The following ARHGEF6 variants were observed in gnomAD, a reference collection of about 807,000 sequenced individuals.
ARHGEF6 encodes Rac/Cdc42 guanine nucleotide exchange factor 6.
A neutral mutation model predicts 70.3 loss-of-function variants in ARHGEF6; 9 were observed. That is an observed-to-expected ratio of 0.13 (90% confidence interval 0.08 to 0.22). ARHGEF6 has a LOEUF of 0.22. Among genes scored for constraint, ARHGEF6 ranks in the 10% least tolerant of loss-of-function variants. The probability of loss-of-function intolerance (pLI) is 1.00; values close to 1 mark genes in which losing one functional copy is unlikely to be tolerated. For synonymous variants in ARHGEF6, 201 were observed against 207.8 expected, an observed-to-expected ratio of 0.97 and a Z score of 0.28; for missense variants, 470 against 563.0, an observed-to-expected ratio of 0.83 and a Z score of 1.67.
At chrX:136,755,014 G>A (rs1420680534) in intron 2 of ARHGEF6, among the ~76,000 whole-genome samples, 2 of 111,758 alleles carry the variant, frequency 1.8e-5, no homozygotes, top group East Asian at 2.8e-4. Flanking sequence ...CATTTTCCCA[G>A]AAACAGCATC....
intron 6 of ARHGEF6, 103 bp from the exon 7 acceptor site, chrX:136,713,473 T>C: frequency 1.7e-6 from 1 of 578,441 alleles, no homozygotes; most frequent in East Asian, 3.4e-5. Flanking sequence ...AAGGTCCTAT[T>C]TACTCAGGCT....
chrX:136,685,604 CAAA>C (rs377510796), intron 12 of ARHGEF6, 70 bp downstream of exon 12: 8,258 of 893,578 alleles, frequency 9.2e-3, no homozygotes, highest in Admixed American at 0.012. Context: ...AAGACTCCGT[CAAA>C]AAAAAAAAAA....
At chrX:136,668,205 AG>A (rs746266974) in intron 21 of ARHGEF6, 36 bp from the exon 22 acceptor site, 3 of 1,205,496 alleles carry the variant, frequency 2.5e-6, no homozygotes, top group Admixed American at 2.2e-5. Context: ...TATCAAACAG[AG>A]GGGGGCCCTT....
Position 136,750,622 on chromosome X carries a change from C to T in ARHGEF6, c.250-3030G>A, listed in dbSNP as rs947860074. ...GAAAAAAGTATTACTTCTTAGACTA[C>T]GGCTAGATGGTGTCAAGGTATCATT... On this transcript the variant is annotated intron_variant, in intron 2 of 21. Transcript: ENST00000250617. Among the ~76,000 whole-genome samples the T allele has an allele frequency of 1.3e-4, 14 of 111,783 alleles. 1 individual carries two copies. The highest frequency in any genetic ancestry group is 1.1e-3 in the South Asian group (3 of 2,711).
intron 21 of ARHGEF6, among the ~76,000 whole-genome samples, chrX:136,668,821 C>T (rs1203042221): frequency 9.0e-6 from 1 of 110,862 alleles, no homozygotes; most frequent in Non-Finnish European, 1.9e-5. Context: ...CCACCATATG[C>T]AACCAGACAC....
chrX:136,708,076 A>T (rs1406707447), intron 8 of ARHGEF6, among the ~76,000 whole-genome samples: 1 of 112,115 alleles, frequency 8.9e-6, no homozygotes, highest in African/African-American at 3.2e-5. Flanking sequence ...AAACTGAATG[A>T]ATCATTTGAA....
chrX:136,762,512 A>G (rs771483142), intron 2 of ARHGEF6, among the ~76,000 whole-genome samples: 1 of 110,539 alleles, frequency 9.0e-6, no homozygotes, highest in Non-Finnish European at 1.9e-5. Context: ...TCTTTTTTTA[A>G]CCAGAGTCTC....
At chrX:136,758,893 C>A (rs1255621237) in intron 2 of ARHGEF6, among the ~76,000 whole-genome samples, 2 of 111,749 alleles carry the variant, frequency 1.8e-5, no homozygotes, top group Admixed American at 9.5e-5. Context: ...CTATGCCAGG[C>A]AGTAATACAT....
chrX:136,706,068 T>C lies in ARHGEF6; in HGVS notation c.1046+840A>G, dbSNP rs2076623414. 3.6e-5 allele frequency among the ~76,000 whole-genome samples: 4 copies of C among 112,154 alleles called. No individual in the cohort carries two copies. In the South Asian group the frequency reaches 1.5e-3, roughly 42 times the overall value. On this transcript the variant is annotated intron_variant, in intron 9 of 21. Transcript: ENST00000250617. ...TGGACTTGCTTTTGTCCCACCTGGA[T>C]TTCCAGCATATGACTTCAAAGGTAA...
At chrX:136,724,457 A>T (rs1207162124) in intron 6 of ARHGEF6, among the ~76,000 whole-genome samples, 1 of 110,352 alleles carries the variant, frequency 9.1e-6, no homozygotes, top group Non-Finnish European at 1.9e-5. Flanking sequence ...CATTTTTTAA[A>T]TTTTTTTAAT....
intron 5 of ARHGEF6, among the ~76,000 whole-genome samples, chrX:136,735,012 A>G (rs768964739): frequency 1.2e-4 from 14 of 112,192 alleles, no homozygotes; most frequent in Non-Finnish European, 2.1e-4. Flanking sequence ...TCTACAAAAA[A>G]CCTACAGTTA....
At chrX:136,747,401 A>C (rs1839283516) in intron 3 of ARHGEF6, 107 bp downstream of exon 3, 1 of 727,135 alleles carries the variant, frequency 1.4e-6, no homozygotes, top group South Asian at 2.2e-5. Flanking sequence ...CAAGGGGAAA[A>C]TTTGCATCAC....
At chrX:136,767,621 C>T (rs1207689680) in intron 2 of ARHGEF6, 1 of 752,812 alleles carries the variant, frequency 1.3e-6, no homozygotes. Flanking sequence ...GGCGAGGGTG[C>T]GCGGGGTGGC....
intron 5 of ARHGEF6, among the ~76,000 whole-genome samples, chrX:136,735,523 A>G (rs775621873): frequency 7.1e-4 from 79 of 111,267 alleles, no homozygotes; most frequent in African/African-American, 2.5e-3. Flanking sequence ...AAATGTAAAC[A>G]TTTTAGGTGG....
intron 2 of ARHGEF6, among the ~76,000 whole-genome samples, chrX:136,764,168 C>CAA (rs368582688): frequency 3.1e-5 from 3 of 97,735 alleles, no homozygotes; most frequent in Admixed American, 1.1e-4. Flanking sequence ...GCAGAGCTTT[C>CAA]AAAAAAAAAA....
At position 136,687,448 on chromosome X, in the gene ARHGEF6, T is replaced by C. The variant is rs141122592; in HGVS notation, c.1245+484A>G. 9.3e-3 allele frequency among the ~76,000 whole-genome samples: 1,042 copies of C among 112,556 alleles called. 51 individuals carry two copies. In the East Asian group the frequency reaches 0.19, roughly 20 times the overall value. ...GATACAAGATCACGTGTACCTTTGA[T>C]AGCAACCTATATAAAGCACTTGCAT... On this transcript the variant is annotated intron_variant, in intron 11 of 21. Transcript: ENST00000250617.
chrX:136,693,775 A>G (rs2148598013), intron 9 of ARHGEF6, among the ~76,000 whole-genome samples: 1 of 111,623 alleles, frequency 9.0e-6, no homozygotes, highest in South Asian at 3.7e-4. Context: ...GCATCTTTGT[A>G]TAGGTTTCTA....
intron 2 of ARHGEF6, chrX:136,774,174 C>G (rs1685370466): frequency 9.0e-6 from 1 of 111,129 alleles, no homozygotes; most frequent in Admixed American, 9.6e-5. Flanking sequence ...ATATTTTAAG[C>G]ATTGGTGCTT....
At chrX:136,723,381 T>A (rs1008038986) in intron 6 of ARHGEF6, among the ~76,000 whole-genome samples, 1 of 111,998 alleles carries the variant, frequency 8.9e-6, no homozygotes, top group Non-Finnish European at 1.9e-5. Context: ...ACTCTTCTGT[T>A]TTTTCTCTGA....
Sources: gnomAD v4.1 joint callset for allele counts (sites outside exome capture counted in the v4.1 genomes callset) on GRCh38, gnomAD v4.1.1 for gene constraint, MANE v1.5 for transcripts, NCBI Gene and HGNC (gene_info 2026-07-23, HGNC 2026-07-21) for gene names.